CNTN5: variants seen among roughly 807,000 people sequenced by gnomAD.
The protein encoded by CNTN5 is contactin-5.
A neutral mutation model predicts 129.1 loss-of-function variants in CNTN5; 77 were observed. That is an observed-to-expected ratio of 0.60 (90% CI 0.50 to 0.72). The LOEUF (loss-of-function observed/expected upper bound fraction) is 0.72, where lower values mean the gene tolerates loss of function less well. Among genes scored for constraint, CNTN5 ranks in the 30% least tolerant of loss-of-function variants. The pLI is 0.00. For synonymous variants in CNTN5, 509 were observed against 465.6 expected, an observed-to-expected ratio of 1.09 and a Z score of -1.20; for missense variants, 1,478 against 1,328.8, an observed-to-expected ratio of 1.11 and a Z score of -1.75.
chr11:99,690,599 A>G (rs1954001645), intron 3 of CNTN5, among the ~76,000 whole-genome samples: 2 of 152,154 alleles, frequency 1.3e-5, no homozygotes, highest in African/African-American at 4.8e-5. Context: ...CTTCCTATCT[A>G]TGATCATGGA....
chr11:99,722,759 T>C (rs1349838651), intron 3 of CNTN5, among the ~76,000 whole-genome samples: 1 of 151,982 alleles, frequency 6.6e-6, no homozygotes, highest in Non-Finnish European at 1.5e-5. Context: ...GGTAAGACCC[T>C]GTCTTTTACT....
At chr11:99,479,526 T>C (rs1945509135) in intron 2 of CNTN5, among the ~76,000 whole-genome samples, 1 of 152,068 alleles carries the variant, frequency 6.6e-6, no homozygotes, top group African/African-American at 2.4e-5. Context: ...TGAAGGTAGA[T>C]GAAACTTAAA....
intron 3 of CNTN5, among the ~76,000 whole-genome samples, chr11:99,647,536 C>T (rs1382324830): frequency 6.6e-6 from 1 of 151,762 alleles, no homozygotes; most frequent in Admixed American, 6.6e-5. Context: ...TTTTGTGGTT[C>T]CATACAAACG....
intron 2 of CNTN5, among the ~76,000 whole-genome samples, chr11:99,528,679 G>A (rs1282240192): frequency 2.0e-5 from 3 of 152,216 alleles, no homozygotes; most frequent in Non-Finnish European, 4.4e-5. Flanking sequence ...ATTCTCATTT[G>A]TAGGCTGAAA....
rs186567284 is a variant in CNTN5, at chr11:100,175,467, C to G, written c.1581-15659C>G. ...TTTAAAGTGATCTGGATCTCAATGTCTTCATCTATAAAATACAGTGATTCA... is the reference window on the plus strand; with the variant it reads ...TTTAAAGTGATCTGGATCTCAATGTGTTCATCTATAAAATACAGTGATTCA... On this transcript the variant is annotated intron_variant, in intron 13 of 24. Transcript: ENST00000524871. Among the ~76,000 whole-genome samples the G allele has an allele frequency of 1.5e-3, 226 of 152,194 alleles. 1 individual carries two copies. The highest frequency in any genetic ancestry group is 2.7e-3 in the Non-Finnish European group (183 of 67,992).
intron 3 of CNTN5, among the ~76,000 whole-genome samples, chr11:99,699,065 C>A (rs12801164): frequency 0.041 from 6,200 of 151,334 alleles, 130 homozygotes; most frequent in East Asian, 0.068. Context: ...CATGGTATAT[C>A]TTTCATGAAG....
intron 2 of CNTN5, among the ~76,000 whole-genome samples, chr11:99,371,314 A>G (rs568194156): frequency 2.6e-5 from 4 of 152,088 alleles, no homozygotes; most frequent in South Asian, 2.1e-4. Flanking sequence ...AAATATATAC[A>G]TATACTATAT....
intron 9 of CNTN5, among the ~76,000 whole-genome samples, chr11:100,009,221 C>G (rs1220982515): frequency 6.6e-6 from 1 of 152,086 alleles, no homozygotes; most frequent in East Asian, 1.9e-4. Context: ...CAGATGTTTT[C>G]TCTACAGGCT....
chr11:100,318,619 T>A (rs180706423), intron 21 of CNTN5, among the ~76,000 whole-genome samples: 1 of 149,014 alleles, frequency 6.7e-6, no homozygotes, highest in East Asian at 1.9e-4. Flanking sequence ...TTGGTGAAAT[T>A]TTCTGAGAAC....
chr11:100,122,554 T>C (rs1044738157), intron 13 of CNTN5, among the ~76,000 whole-genome samples: 4 of 152,074 alleles, frequency 2.6e-5, no homozygotes, highest in African/African-American at 9.7e-5. Flanking sequence ...AAGTCCAATC[T>C]GGAGAGGTCA....
intron 16 of CNTN5, among the ~76,000 whole-genome samples, chr11:100,238,390 C>CT: frequency 8.5e-6 from 1 of 118,230 alleles, no homozygotes; most frequent in Non-Finnish European, 1.6e-5. Context: ...CTCTTTTGGA[C>CT]TTAATCTCCT....
intron 1 of CNTN5, among the ~76,000 whole-genome samples, chr11:99,027,625 A>C (rs1317848087): frequency 1.3e-5 from 2 of 151,700 alleles, no homozygotes; most frequent in Non-Finnish European, 3.0e-5. Context: ...TGTCATATAA[A>C]TTGTTTTAGA....
At chr11:99,543,421 G>A (rs141026971) in intron 2 of CNTN5, among the ~76,000 whole-genome samples, 84 of 152,204 alleles carry the variant, frequency 5.5e-4, no homozygotes, top group African/African-American at 1.9e-3. Context: ...TCTGGTGGGT[G>A]GCTTTGCTGA....
intron 3 of CNTN5, among the ~76,000 whole-genome samples, chr11:99,755,237 T>C (rs1472967190): frequency 6.6e-6 from 1 of 152,186 alleles, no homozygotes; most frequent in African/African-American, 2.4e-5. Context: ...TTTAGGTAAA[T>C]ACCAAGGAGT....
At chr11:100,147,149 C>A (rs892014559) in intron 13 of CNTN5, among the ~76,000 whole-genome samples, 4 of 152,100 alleles carry the variant, frequency 2.6e-5, no homozygotes, top group Admixed American at 1.3e-4. Flanking sequence ...TTACCTTCTG[C>A]CAGCCCACCT....
At chr11:99,678,694 TAGAG>T (rs1953409158) in intron 3 of CNTN5, among the ~76,000 whole-genome samples, 1 of 151,940 alleles carries the variant, frequency 6.6e-6, no homozygotes. Context: ...GTTTAGAGTA[TAGAG>T]AAAGTTATCT....
intron 18 of CNTN5, among the ~76,000 whole-genome samples, chr11:100,286,395 G>C (rs1212522547): frequency 6.6e-6 from 1 of 150,680 alleles, no homozygotes; most frequent in East Asian, 2.0e-4. Flanking sequence ...CTCCCAGCAC[G>C]CAGCTGGAGA....
At chr11:99,523,663 T>TAA (rs1565258700) in intron 2 of CNTN5, among the ~76,000 whole-genome samples, 3 of 132,670 alleles carry the variant, frequency 2.3e-5, no homozygotes, top group African/African-American at 8.5e-5. Context: ...ACAGAACAGA[T>TAA]CAGAACAGAA....
intron 13 of CNTN5, among the ~76,000 whole-genome samples, chr11:100,169,167 G>A (rs988121519): frequency 2.6e-5 from 4 of 151,890 alleles, no homozygotes; most frequent in Non-Finnish European, 5.9e-5. Flanking sequence ...AAGAAAGAAA[G>A]GATTTAGGAT....
Sources: gnomAD v4.1 joint callset for allele counts (sites outside exome capture counted in the v4.1 genomes callset) on GRCh38, gnomAD v4.1.1 for gene constraint, MANE v1.5 for transcripts, NCBI Gene and HGNC (gene_info 2026-07-23, HGNC 2026-07-21) for gene names.